Variants in WHAMM observed in about 807,000 individuals in gnomAD.
WHAMM encodes WASP homolog associated with actin, golgi membranes and microtubules, also known as WASP homolog-associated protein with actin, membranes and microtubules.
In WHAMM, 67 loss-of-function variants were observed where a neutral mutation model predicts 76.5. That is an observed-to-expected ratio of 0.88 (90% CI 0.72 to 1.07). The LOEUF is 1.07. WHAMM is among the 50% of genes least tolerant of loss of function. The probability of loss-of-function intolerance (pLI) is 0.00; values close to 1 mark genes in which losing one functional copy is unlikely to be tolerated. For synonymous variants in WHAMM, 419 were observed against 422.1 expected (o/e 0.99, Z 0.09); for missense variants, 1,021 against 1,051.1 (o/e 0.97, Z 0.40).
chr15:82,824,804 A>T (rs557817752), intron 6 of WHAMM, among the ~76,000 whole-genome samples: 30 of 152,306 alleles, frequency 2.0e-4, no homozygotes, highest in African/African-American at 7.0e-4. Flanking sequence ...AAACATGAAA[A>T]TTGTGACTTT....
At chr15:82,811,064 A>T (rs1258395859) in intron 1 of WHAMM, among the ~76,000 whole-genome samples, 3 of 152,208 alleles carry the variant, frequency 2.0e-5, no homozygotes, top group African/African-American at 4.8e-5. Context: ...GCTGTTATTA[A>T]CCTGAATGAT....
At chr15:82,833,102 T>C in intron 9 of WHAMM, 127 bp from the exon 10 acceptor site, 1 of 1,122,024 alleles carries the variant, frequency 8.9e-7, no homozygotes, top group African/African-American at 1.6e-5. Context: ...GGCATTTGCT[T>C]AATGAAGTGA....
chr15:82,828,293 C>T (rs2050970074), intron 8 of WHAMM, among the ~76,000 whole-genome samples: 1 of 152,204 alleles, frequency 6.6e-6, no homozygotes, highest in African/African-American at 2.4e-5. Context: ...AGGTCTTACT[C>T]CAGAGCCACA....
At position 82,834,400 on chromosome 15, in the gene WHAMM, T is replaced by C. The variant is rs1334592506; in HGVS notation, c.*864T>C. On this transcript the variant is annotated 3_prime_UTR_variant, in exon 10 of 10. Transcript: ENST00000286760. ...TGGGGAGGGACGTAGAGATGAGAGT[T>C]TCACACACCAGCCCATAGGTGGGAT... 6.6e-6 allele frequency: 1 copy of C among 152,380 alleles called. No homozygotes were observed. Among genetic ancestry groups the C allele is most frequent in the Non-Finnish European group, 1.5e-5 (1 of 68,028 alleles). The allele number at this position is 152,380 out of a possible 1,614,324, so 9.4% of individuals were successfully genotyped here.
At chr15:82,822,807 A>AGT (rs879759318) in intron 5 of WHAMM, among the ~76,000 whole-genome samples, 10 of 133,474 alleles carry the variant, frequency 7.5e-5, no homozygotes, top group African/African-American at 1.7e-4. Flanking sequence ...CTATGTAAGT[A>AGT]GTATGTGTGT....
At chr15:82,826,039 G>A (rs2050926051) in intron 6 of WHAMM, among the ~76,000 whole-genome samples, 1 of 152,316 alleles carries the variant, frequency 6.6e-6, no homozygotes, top group South Asian at 2.1e-4. Context: ...AGGTTGCTCT[G>A]CTTTTGTAGG....
rs771466230 is a variant in WHAMM at position 82,825,536 on chromosome 15, T to C, written c.1459-874T>C. On this transcript the variant is annotated intron_variant, in intron 6 of 9. Coordinates refer to ENST00000286760, the MANE Select transcript of WHAMM (RefSeq NM_001080435.3). Reference sequence around the variant, plus strand: ...ATAGAATGGTAGTTGAGGTGAGCTATCAACTTGGGTTCAAATCACAGCTTG... The same window carrying C: ...ATAGAATGGTAGTTGAGGTGAGCTACCAACTTGGGTTCAAATCACAGCTTG... Among the ~76,000 whole-genome samples the C allele has an allele frequency of 2.0e-4, 31 of 152,180 alleles. 1 individual carries two copies. The highest frequency in any genetic ancestry group is 2.4e-4 in the Non-Finnish European group (16 of 68,042).
In WHAMM at chr15:82,826,578, T is replaced by C; in HGVS notation, c.1545+82T>C. 3.8e-6 allele frequency: 6 copies of C among 1,586,534 alleles called. No individual in the cohort carries two copies. In the South Asian group the frequency reaches 6.7e-5, roughly 18 times the overall value. On this transcript the variant is annotated intron_variant, in intron 7 of 9. Transcript: ENST00000286760. Reference sequence around the variant, plus strand: ...AGACTTGTGGAAACTGGAGTTGCGCTGCCCTGGACCTGCAGCTGTCAGCCA... The same window carrying C: ...AGACTTGTGGAAACTGGAGTTGCGCCGCCCTGGACCTGCAGCTGTCAGCCA...
chr15:82,815,848 A>G (rs1427779253), intron 2 of WHAMM, among the ~76,000 whole-genome samples: 1 of 152,202 alleles, frequency 6.6e-6, no homozygotes, highest in Non-Finnish European at 1.5e-5. Context: ...TGTAGAAGAA[A>G]AATTGCATAT....
At chr15:82,815,155 A>AAT (rs55807384) in intron 2 of WHAMM, among the ~76,000 whole-genome samples, 1,059 of 46,058 alleles carry the variant, frequency 0.023, 90 homozygotes, top group South Asian at 0.075. Flanking sequence ...ATATATATAT[A>AAT]GTACAATTCA....
rs1170317690 is a variant in WHAMM at position 82,813,390 on chromosome 15, G to A, written c.783+114G>A. ...GTACTTTGTTTGGGTTTACCATTATGTTTATTTATTTACTTATTTATTGAT... is the reference window on the plus strand; with the variant it reads ...GTACTTTGTTTGGGTTTACCATTATATTTATTTATTTACTTATTTATTGAT... On this transcript the variant is annotated intron_variant, in intron 2 of 9. Coordinates refer to ENST00000286760, the MANE Select transcript of WHAMM (RefSeq NM_001080435.3). The A allele has an allele frequency of 3.8e-6, 4 of 1,053,736 alleles. No individual in the cohort carries two copies. In the Admixed American group the frequency reaches 1.4e-4, roughly 37 times the overall value. The allele number at this position is 1,053,736 out of a possible 1,614,324, so 65.3% of individuals were successfully genotyped here.
intron 6 of WHAMM, among the ~76,000 whole-genome samples, chr15:82,823,857 C>T (rs1341785711): frequency 2.0e-5 from 3 of 152,126 alleles, no homozygotes; most frequent in African/African-American, 7.2e-5. Context: ...TGAGCCACCA[C>T]CCCTGGACCA....
At chr15:82,822,101 A>G (rs1245398925) in intron 5 of WHAMM, among the ~76,000 whole-genome samples, 2 of 152,204 alleles carry the variant, frequency 1.3e-5, no homozygotes, top group East Asian at 1.9e-4. Flanking sequence ...GAGCAAGACA[A>G]TTTCACTGTT....
intron 1 of WHAMM, chr15:82,810,857 A>C (rs1485425578): frequency 2.7e-6 from 2 of 730,844 alleles, no homozygotes; most frequent in East Asian, 2.6e-4. Context: ...TTTATTCATC[A>C]GTTTGGAATG....
chr15:82,820,752 G>A lies in WHAMM; in HGVS notation c.1270+1264G>A, dbSNP rs554713203. 2.6e-3 allele frequency among the ~76,000 whole-genome samples: 402 copies of A among 152,104 alleles called. 1 individual carries two copies. Among genetic ancestry groups the A allele is most frequent in the African/African-American group, 9.3e-3 (384 of 41,474 alleles). ...TCTACTAAAAATACAAAAATTAGCT[G>A]GGCATGATGGTAGGCGCCTGTAATC... On this transcript the variant is annotated intron_variant, in intron 5 of 9. Transcript: ENST00000286760.
At chr15:82,825,657 C>T (rs1340284630) in intron 6 of WHAMM, among the ~76,000 whole-genome samples, 4 of 151,732 alleles carry the variant, frequency 2.6e-5, no homozygotes, top group Non-Finnish European at 4.4e-5. Flanking sequence ...TAGGCTAGTG[C>T]GGCACCCGTA....
Position 82,809,652 on chromosome 15 carries a change from A to G in WHAMM, c.-75A>G. 8.1e-7 allele frequency: 1 copy of G among 1,230,052 alleles called. No individual in the cohort carries two copies. Among genetic ancestry groups the G allele is most frequent in the African/African-American group, 1.6e-5 (1 of 63,468 alleles). The allele number at this position is 1,230,052 out of a possible 1,614,324, so 76.2% of individuals were successfully genotyped here. A position where few individuals can be genotyped will look rare whatever the true frequency, so the allele number is the denominator to read the frequency against. On this transcript the variant is annotated 5_prime_UTR_variant, in exon 1 of 10. Coordinates refer to ENST00000286760, the MANE Select transcript of WHAMM (RefSeq NM_001080435.3). ...TCTAGCGAAAAATGATTTGGCTCGG[A>G]CTGTCCCGTGACAGGCGGTGCGAGG...
At chr15:82,828,151 AC>A (rs2050967420) in intron 8 of WHAMM, among the ~76,000 whole-genome samples, 1 of 152,184 alleles carries the variant, frequency 6.6e-6, no homozygotes, top group Non-Finnish European at 1.5e-5. Flanking sequence ...TAGGCACTTC[AC>A]ATTCACTCTC....
intron 8 of WHAMM, among the ~76,000 whole-genome samples, chr15:82,829,927 ATCAAAT>A (rs2050998728): frequency 6.6e-6 from 1 of 152,200 alleles, no homozygotes; most frequent in Non-Finnish European, 1.5e-5. Context: ...GTTTTTCTAT[ATCAAAT>A]GAATACCTGA....
Sources: gnomAD v4.1 joint callset for allele counts (sites outside exome capture counted in the v4.1 genomes callset) on GRCh38, gnomAD v4.1.1 for gene constraint, MANE v1.5 for transcripts, NCBI Gene and HGNC (gene_info 2026-07-23, HGNC 2026-07-21) for gene names.